The following THY1 variants were observed in gnomAD, a reference collection of about 807,000 sequenced individuals.
The protein encoded by THY1 is Thy-1 cell surface antigen.
A neutral mutation model predicts 14.9 loss-of-function variants in THY1; 10 were observed. The observed-to-expected ratio is 0.67, with a 90% CI of 0.41 to 1.14. The LOEUF is 1.14. Among genes scored for constraint, THY1 ranks in the 50% most tolerant of loss-of-function variants. The pLI is 0.00. For missense variants in THY1, 159 were observed against 202.1 expected (o/e 0.79, Z 1.29); for synonymous variants, 80 against 90.0 (o/e 0.89, Z 0.63).
chr11:119,421,102 C>T, intron 1 of THY1, 173 bp from the exon 2 acceptor site: 1 of 567,876 alleles, frequency 1.8e-6, no homozygotes, highest in Non-Finnish European at 3.1e-6. Context: ...CTCTTTCCTG[C>T]TCAGGGAAAG....
In THY1 at chr11:119,422,676, G is replaced by C; in HGVS notation, c.-25+437C>G. The C allele has an allele frequency of 9.5e-6, 2 of 210,660 alleles. No individual in the cohort carries two copies. The highest frequency in any genetic ancestry group is 5.6e-5 in the Admixed American group (1 of 17,846). 13.0% of individuals were successfully genotyped at this position (210,660 alleles called of 1,614,324 possible). A position where few individuals can be genotyped will look rare whatever the true frequency, so the allele number is the denominator to read the frequency against. On this transcript the variant is annotated intron_variant, in intron 1 of 3. Coordinates refer to ENST00000284240, the MANE Select transcript of THY1 (RefSeq NM_006288.5). The surrounding 1 kb of genome is among the most constrained non-coding windows in gnomAD (Gnocchi z 7.0). ...CGGCTTCCTTCTCCTCCGGTGCCCC[G>C]CACCCAGCCCGCCGCGAGGTCACCC...
chr11:119,423,534 A>G, upstream of THY1: 1 of 274,332 alleles, frequency 3.6e-6, no homozygotes, highest in Non-Finnish European at 7.1e-6. Context: ...TGGGAAAACC[A>G]AAGTGTAAGA....
rs1462124782 is a variant in THY1, at chr11:119,415,538, G to A, written c.*3870C>T. 1.3e-5 allele frequency among the ~76,000 whole-genome samples: 2 copies of A among 152,134 alleles called. No individual in the cohort carries two copies. Among genetic ancestry groups the A allele is most frequent in the African/African-American group, 2.4e-5 (1 of 41,432 alleles). Reference sequence around the variant, plus strand: ...TGACAGGTGGCCTCCACCTGGCCACGCCACTGCCAGGCACTCCCCGCCTGC... The same window carrying A: ...TGACAGGTGGCCTCCACCTGGCCACACCACTGCCAGGCACTCCCCGCCTGC... On this transcript the variant is annotated 3_prime_UTR_variant, in exon 4 of 4. Coordinates refer to ENST00000284240, the MANE Select transcript of THY1 (RefSeq NM_006288.5).
Position 119,419,122 on chromosome 11 carries a change from T to A in THY1, c.*286A>T. ...AGGTCCCCAATCCTGGCTTCCCTCT[T>A]CACGAACTCTCAAAGAAAAGGAAGG... On this transcript the variant is annotated 3_prime_UTR_variant, in exon 4 of 4. Transcript: ENST00000284240. 2 of 400,328 alleles carry A rather than the reference T, an allele frequency of 5.0e-6. No homozygotes were observed. The highest frequency in any genetic ancestry group is 7.1e-5 in the Admixed American group (2 of 28,338). 24.8% of individuals were successfully genotyped at this position (400,328 alleles called of 1,614,324 possible).
upstream of THY1, chr11:119,423,225 G>C (rs2135438847): frequency 4.4e-6 from 2 of 451,286 alleles, no homozygotes; most frequent in Non-Finnish European, 8.9e-6. Flanking sequence ...GAGGGGGAGC[G>C]GGGAGCCGGG....
chr11:119,421,230 C>T (rs984783144), intron 1 of THY1: 13 of 301,332 alleles, frequency 4.3e-5, no homozygotes, highest in Non-Finnish European at 7.9e-5. Flanking sequence ...CTTACATTAA[C>T]ATAGTGTATG....
At position 119,417,770 on chromosome 11, in the gene THY1, G is replaced by C. The variant is rs751343249; in HGVS notation, c.*1638C>G. 3 of 152,266 alleles carry C rather than the reference G, an allele frequency of 2.0e-5. No homozygotes were observed. The highest frequency in any genetic ancestry group is 4.8e-5 in the African/African-American group (2 of 41,424). The allele number at this position is 152,266 out of a possible 1,614,324, so 9.4% of individuals were successfully genotyped here. A position where few individuals can be genotyped will look rare whatever the true frequency, so the allele number is the denominator to read the frequency against. On this transcript the variant is annotated 3_prime_UTR_variant, in exon 4 of 4. Transcript: ENST00000284240. ...TCTCCCACCCTTCGTGCTCACCCTC[G>C]CAATAGTGGATGTGCCTGGAGGGTA...
At chr11:119,423,348 C>A (rs1279576123), upstream of THY1, 3 of 371,306 alleles carry the variant, frequency 8.1e-6, no homozygotes, top group Non-Finnish European at 1.6e-5. Flanking sequence ...CAGGTTGCGG[C>A]GGAAGGGGGC....
chr11:119,419,715 A>T, intron 3 of THY1, 195 bp from the exon 4 acceptor site: 1 of 609,500 alleles, frequency 1.6e-6, no homozygotes, highest in Non-Finnish European at 3.0e-6. Context: ...TCTTGCACAC[A>T]TATCATCTTA....
chr11:119,421,170 C>T, intron 1 of THY1: 1 of 425,262 alleles, frequency 2.4e-6, no homozygotes, highest in Admixed American at 4.0e-5. Flanking sequence ...GGCCATGGAG[C>T]ACTTACTAGC....
chr11:119,419,894 A>C, intron 3 of THY1, 157 bp downstream of exon 3: 1 of 832,386 alleles, frequency 1.2e-6, no homozygotes, highest in Non-Finnish European at 1.8e-6. Context: ...CCCCATTCAC[A>C]CCGAAGGCAA....
At chr11:119,424,628 C>T (rs984849798), upstream of THY1, among the ~76,000 whole-genome samples, 2 of 152,116 alleles carry the variant, frequency 1.3e-5, no homozygotes, top group African/African-American at 4.8e-5. Context: ...GCAGAGGTTT[C>T]TAGGGCATTT....
chr11:119,419,638 T>C, intron 3 of THY1, 118 bp from the exon 4 acceptor site: 1 of 771,086 alleles, frequency 1.3e-6, no homozygotes, highest in South Asian at 1.7e-5. Flanking sequence ...TGCAATGTCT[T>C]AGCTGGGACC....
At chr11:119,419,585 A>G in intron 3 of THY1, 65 bp from the exon 4 acceptor site, 1 of 1,350,984 alleles carries the variant, frequency 7.4e-7, no homozygotes, top group Non-Finnish European at 1.1e-6. Flanking sequence ...TCAGGCAGGC[A>G]CAGGCCCAAA....
At position 119,417,944 on chromosome 11, in the gene THY1, G is replaced by A. The variant is rs1425892118; in HGVS notation, c.*1464C>T. ...TAAGCATGTTGTTCCAGCCAGGTGA[G>A]TCAGCAGACATGGGATGTTCGTTTA... On this transcript the variant is annotated 3_prime_UTR_variant, in exon 4 of 4. Coordinates refer to ENST00000284240, the MANE Select transcript of THY1 (RefSeq NM_006288.5). 6.6e-6 allele frequency: 1 copy of A among 152,360 alleles called. No individual in the cohort carries two copies. Among genetic ancestry groups the A allele is most frequent in the Non-Finnish European group, 1.5e-5 (1 of 68,114 alleles). The allele number at this position is 152,360 out of a possible 1,614,324, so 9.4% of individuals were successfully genotyped here.
rs1861783423 is a variant in THY1 at position 119,416,633 on chromosome 11, C to T, written c.*2775G>A. Among the ~76,000 whole-genome samples the T allele has an allele frequency of 6.6e-6, 1 of 152,142 alleles. No individual in the cohort carries two copies. Among genetic ancestry groups the T allele is most frequent in the Non-Finnish European group, 1.5e-5 (1 of 68,038 alleles). On this transcript the variant is annotated 3_prime_UTR_variant, in exon 4 of 4. Transcript: ENST00000284240. ...GGGATTACAGGCGCAGGCCACCATG[C>T]CTGGCTAATTTTTGTATTTTTAGTA...
At position 119,419,342 on chromosome 11, in the gene THY1, A is replaced by C. The variant is rs770505074; in HGVS notation, c.*66T>G. ...GGGATTGGGGGGAGGGGGTCAGCTG[A>C]CTCAGAGAAGTAGGATCTCTGCACT... On this transcript the variant is annotated 3_prime_UTR_variant, in exon 4 of 4. Transcript: ENST00000284240. The C allele has an allele frequency of 2.1e-6, 3 of 1,416,864 alleles. No homozygotes were observed. The highest frequency in any genetic ancestry group is 3.0e-6 in the Non-Finnish European group (3 of 1,013,974). 87.8% of individuals were successfully genotyped at this position (1,416,864 alleles called of 1,614,324 possible).
upstream of THY1, chr11:119,423,289 GGGGGGT>G: frequency 2.8e-6 from 1 of 354,896 alleles, no homozygotes; most frequent in Non-Finnish European, 5.6e-6. Flanking sequence ...AGGGTGGGGT[GGGGGGT>G]GGGGAAGGAA....
chr11:119,416,590 T>G lies in THY1; in HGVS notation c.*2818A>C, dbSNP rs1861782846. ...CCCGGGTTCAAGTGATTCTCCTGCCTCAGCCTCCTGAGTAGCTGGGATTAC... is the reference window on the plus strand; with the variant it reads ...CCCGGGTTCAAGTGATTCTCCTGCCGCAGCCTCCTGAGTAGCTGGGATTAC... On this transcript the variant is annotated 3_prime_UTR_variant, in exon 4 of 4. Coordinates refer to ENST00000284240, the MANE Select transcript of THY1 (RefSeq NM_006288.5). 6.6e-6 allele frequency among the ~76,000 whole-genome samples: 1 copy of G among 152,188 alleles called. No homozygotes were observed. Among genetic ancestry groups the G allele is most frequent in the South Asian group, 2.1e-4 (1 of 4,826 alleles).
Sources: allele counts gnomAD v4.1 joint callset (sites outside exome capture counted in the v4.1 genomes callset), GRCh38; gene constraint gnomAD v4.1.1; non-coding constraint Gnocchi (gnomAD v3.1); transcripts MANE v1.5; gene names NCBI Gene and HGNC (gene_info 2026-07-23, HGNC 2026-07-21).